Variants in ARK2N observed in about 807,000 individuals in gnomAD.
ARK2N encodes protein ARK2N.
the ARK2N span, chr18:46,218,370 C>T: frequency 1.3e-5 from 2 of 152,288 alleles, no homozygotes; most frequent in Admixed American, 1.3e-4. Context: ...ATTGTTCACA[C>T]CATTTAGTAA....
chr18:46,194,691 G>T, the ARK2N span, among the ~76,000 whole-genome samples: 2 of 149,454 alleles, frequency 1.3e-5, no homozygotes, highest in South Asian at 4.3e-4. Flanking sequence ...GACCAGGCTG[G>T]TCTTGTACTC....
chr18:46,224,832 G>A, the ARK2N span, among the ~76,000 whole-genome samples: 28 of 152,162 alleles, frequency 1.8e-4, no homozygotes, highest in Non-Finnish European at 3.4e-4. Context: ...GCTCTTCTTA[G>A]CAATGCTTGT....
the ARK2N span, among the ~76,000 whole-genome samples, chr18:46,188,750 T>C: frequency 6.6e-5 from 10 of 152,340 alleles, no homozygotes; most frequent in South Asian, 2.1e-3. Flanking sequence ...CAGTGGCTCA[T>C]GCCTATAGTC....
chr18:46,248,021 A>G, the ARK2N span, among the ~76,000 whole-genome samples: 1 of 152,176 alleles, frequency 6.6e-6, no homozygotes. Context: ...GTGGTTTTTC[A>G]CATAAATAAT....
the ARK2N span, chr18:46,228,674 C>T: frequency 2.5e-6 from 1 of 396,216 alleles, no homozygotes; most frequent in East Asian, 3.6e-5. Flanking sequence ...TAACCTCTGC[C>T]TCCCAGGTTC....
chr18:46,233,068 A>C, the ARK2N span: 27 of 152,186 alleles, frequency 1.8e-4, no homozygotes, highest in Non-Finnish European at 3.2e-4. Context: ...TTAATATAAC[A>C]ATAGATTTTG....
chr18:46,229,840 G>A, the ARK2N span, among the ~76,000 whole-genome samples: 2 of 152,042 alleles, frequency 1.3e-5, no homozygotes, highest in East Asian at 3.9e-4. Flanking sequence ...CTAAGCTCAA[G>A]GGATCCCCCA....
At chr18:46,232,391 G>A in the ARK2N span, 1 of 152,136 alleles carries the variant, frequency 6.6e-6, no homozygotes, top group Non-Finnish European at 1.5e-5. Flanking sequence ...ATAGTACAGT[G>A]AGGGTGAAAT....
At chr18:46,254,546 GA>G in the ARK2N span, among the ~76,000 whole-genome samples, 1 of 150,486 alleles carries the variant, frequency 6.6e-6, no homozygotes, top group Non-Finnish European at 1.5e-5. Context: ...TGGCTGGTGG[GA>G]AAAAAAAATC....
chr18:46,245,180 C>T, the ARK2N span, among the ~76,000 whole-genome samples: 1 of 152,102 alleles, frequency 6.6e-6, no homozygotes, highest in Non-Finnish European at 1.5e-5. Flanking sequence ...AATCTGCCCA[C>T]TTCTGCATCT....
the ARK2N span, among the ~76,000 whole-genome samples, chr18:46,222,864 T>C: frequency 6.6e-6 from 1 of 152,192 alleles, no homozygotes; most frequent in Non-Finnish European, 1.5e-5. Context: ...TGAACCTACA[T>C]TGACACATCA....
chr18:46,258,904 T>A, the ARK2N span, among the ~76,000 whole-genome samples: 1 of 152,142 alleles, frequency 6.6e-6, no homozygotes, highest in South Asian at 2.1e-4. Context: ...TTCTCCTGAA[T>A]TTTTTTCCCT....
At chr18:46,253,995 C>T in the ARK2N span, among the ~76,000 whole-genome samples, 1 of 152,104 alleles carries the variant, frequency 6.6e-6, no homozygotes, top group African/African-American at 2.4e-5. Flanking sequence ...ATGATATGAG[C>T]CTTAGAGTGT....
chr18:46,257,242 G>T, the ARK2N span, among the ~76,000 whole-genome samples: 2 of 152,114 alleles, frequency 1.3e-5, no homozygotes, highest in Non-Finnish European at 2.9e-5. Context: ...GCCCTGACTT[G>T]TGTGGGGTGC....
chr18:46,238,253 C>T, the ARK2N span, among the ~76,000 whole-genome samples: 11 of 152,168 alleles, frequency 7.2e-5, no homozygotes, highest in African/African-American at 2.2e-4. Flanking sequence ...TAAAATAACT[C>T]ACTAAAATAA....
chr18:46,178,399 A>G, the ARK2N span, among the ~76,000 whole-genome samples: 4 of 151,968 alleles, frequency 2.6e-5, no homozygotes, highest in Non-Finnish European at 5.9e-5. Flanking sequence ...TGCAATCTCC[A>G]CCTTCTGGGT....
At chr18:46,253,180 G>C in the ARK2N span, among the ~76,000 whole-genome samples, 1 of 152,180 alleles carries the variant, frequency 6.6e-6, no homozygotes, top group Non-Finnish European at 1.5e-5. Flanking sequence ...AAGCATCTCA[G>C]TATAAATATG....
chr18:46,251,538 A>T, the ARK2N span, among the ~76,000 whole-genome samples: 1 of 152,142 alleles, frequency 6.6e-6, no homozygotes, highest in African/African-American at 2.4e-5. Context: ...AGCATTAAAA[A>T]TTTTTCACAT....
the ARK2N span, chr18:46,218,046 C>A: frequency 6.6e-6 from 1 of 152,154 alleles, no homozygotes; most frequent in Non-Finnish European, 1.5e-5. Flanking sequence ...ATACTTACTT[C>A]CACTTACTAA....
Sources: gnomAD v4.1 joint callset for allele counts (sites outside exome capture counted in the v4.1 genomes callset) on GRCh38, gnomAD v4.1.1 for gene constraint, MANE v1.5 for transcripts, NCBI Gene and HGNC (gene_info 2026-07-23, HGNC 2026-07-21) for gene names.